The following ROR1 variants were observed in gnomAD, a reference collection of about 807,000 sequenced individuals.
The protein encoded by ROR1 is ROR family WNT receptor 1.
A neutral mutation model predicts 78.8 loss-of-function variants in ROR1; 19 were observed. The observed-to-expected ratio is 0.24, with a 90% CI of 0.17 to 0.35. ROR1 has a LOEUF of 0.35. ROR1 is among the 10% of genes least tolerant of loss of function. The pLI is 1.00. For missense variants in ROR1, 917 were observed against 1,177.8 expected (o/e 0.78, Z 3.24); for synonymous variants, 386 against 433.6 (o/e 0.89, Z 1.36).
chr1:64,078,195 A>C (rs1362232286), intron 4 of ROR1, among the ~76,000 whole-genome samples: 1 of 152,212 alleles, frequency 6.6e-6, no homozygotes, highest in Non-Finnish European at 1.5e-5. Context: ...CACAGCTATA[A>C]TAGTAGTTTG....
At chr1:64,150,616 C>T (rs1649594639) in intron 7 of ROR1, among the ~76,000 whole-genome samples, 1 of 152,162 alleles carries the variant, frequency 6.6e-6, no homozygotes, top group African/African-American at 2.4e-5. Context: ...TTGAACGTTA[C>T]AGTGAATTGG....
intron 4 of ROR1, among the ~76,000 whole-genome samples, chr1:64,073,074 A>G (rs574117831): frequency 6.6e-6 from 1 of 152,278 alleles, no homozygotes; most frequent in Non-Finnish European, 1.5e-5. Flanking sequence ...CTCCTCTCTC[A>G]CCTATGCAGA....
At chr1:64,117,978 A>T (rs923987122) in intron 4 of ROR1, among the ~76,000 whole-genome samples, 2 of 152,240 alleles carry the variant, frequency 1.3e-5, no homozygotes, top group African/African-American at 2.4e-5. Context: ...AGGCGGGGAG[A>T]TCACTTGAGC....
chr1:63,904,001 A>G (rs1462275389), intron 1 of ROR1, among the ~76,000 whole-genome samples: 1 of 152,118 alleles, frequency 6.6e-6, no homozygotes, highest in African/African-American at 2.4e-5. Flanking sequence ...AGTCTTGAGA[A>G]TGGGGGATAT....
intron 1 of ROR1, among the ~76,000 whole-genome samples, chr1:63,814,733 G>A (rs971168046): frequency 2.6e-5 from 4 of 152,248 alleles, no homozygotes. Flanking sequence ...GATCTGACAG[G>A]AGGTGGAGCT....
chr1:64,024,695 C>A (rs1191837384), intron 2 of ROR1, among the ~76,000 whole-genome samples: 1 of 152,134 alleles, frequency 6.6e-6, no homozygotes, highest in East Asian at 1.9e-4. Context: ...TCTCTTAAAT[C>A]TCTCTGCATA....
intron 2 of ROR1, among the ~76,000 whole-genome samples, chr1:64,027,903 G>A (rs1456892002): frequency 6.6e-6 from 1 of 152,030 alleles, no homozygotes. Flanking sequence ...GGCCAGGATA[G>A]TCTTGATCTC....
chr1:63,824,553 A>G (rs115012097), intron 1 of ROR1, among the ~76,000 whole-genome samples: 1,980 of 152,296 alleles, frequency 0.013, 45 homozygotes, highest in African/African-American at 0.042. Flanking sequence ...TCTCAGAAGC[A>G]TGCTTTGAGG....
chr1:64,129,294 T>C (rs1648829924), intron 4 of ROR1, among the ~76,000 whole-genome samples: 1 of 152,178 alleles, frequency 6.6e-6, no homozygotes, highest in Admixed American at 6.5e-5. Flanking sequence ...AAACCTTCTC[T>C]TTTTCAATCC....
At chr1:63,788,297 A>C (rs1644704329) in intron 1 of ROR1, among the ~76,000 whole-genome samples, 1 of 152,212 alleles carries the variant, frequency 6.6e-6, no homozygotes, top group Non-Finnish European at 1.5e-5. Flanking sequence ...TAATGAAAAC[A>C]AATTTCACCC....
intron 1 of ROR1, among the ~76,000 whole-genome samples, chr1:63,942,871 T>C (rs187836216): frequency 1.9e-4 from 29 of 152,200 alleles, no homozygotes; most frequent in Non-Finnish European, 3.5e-4. Context: ...CAGAAGATCA[T>C]ATGAGCCCAG....
intron 4 of ROR1, among the ~76,000 whole-genome samples, chr1:64,107,240 G>A (rs928853863): frequency 5.9e-5 from 9 of 152,166 alleles, no homozygotes; most frequent in Non-Finnish European, 1.5e-5. Context: ...ACAAAAGTGA[G>A]GCACTGAGAG....
chr1:63,832,169 A>G (rs895810518), intron 1 of ROR1, among the ~76,000 whole-genome samples: 5 of 152,176 alleles, frequency 3.3e-5, no homozygotes, highest in African/African-American at 1.2e-4. Context: ...ACAAGTCTCT[A>G]GGAAGTTCCA....
intron 1 of ROR1, among the ~76,000 whole-genome samples, chr1:63,860,157 TC>T (rs1357477744): frequency 6.6e-6 from 1 of 152,188 alleles, no homozygotes; most frequent in Non-Finnish European, 1.5e-5. Flanking sequence ...TAGCTATTAT[TC>T]TTATTACTAT....
chr1:63,943,375 A>G (rs955680407), intron 1 of ROR1, among the ~76,000 whole-genome samples: 3 of 152,012 alleles, frequency 2.0e-5, no homozygotes, highest in Non-Finnish European at 4.4e-5. Context: ...CCCAAACTCA[A>G]ATTACCCTTC....
At chr1:64,030,917 G>T (rs966177928) in intron 2 of ROR1, among the ~76,000 whole-genome samples, 3 of 152,018 alleles carry the variant, frequency 2.0e-5, no homozygotes, top group African/African-American at 7.3e-5. Flanking sequence ...TTTGAGACAG[G>T]ATCTCACTCT....
chr1:64,033,102 A>T (rs78843705), intron 2 of ROR1, among the ~76,000 whole-genome samples: 4,424 of 152,312 alleles, frequency 0.029, 234 homozygotes, highest in African/African-American at 0.1. Context: ...ACACTTAAAA[A>T]TAATTAAAAT....
chr1:63,983,986 G>T (rs921782994), intron 1 of ROR1, among the ~76,000 whole-genome samples: 1 of 152,104 alleles, frequency 6.6e-6, no homozygotes, highest in African/African-American at 2.4e-5. Flanking sequence ...TCTTAGCAAG[G>T]CACACATAAC....
chr1:64,140,321 A>T lies in ROR1; in HGVS notation c.823A>T (p.Met275Leu), dbSNP rs2100710213. 6.2e-7 allele frequency: 1 copy of T among 1,614,138 alleles called. No homozygotes were observed. Among genetic ancestry groups the T allele is most frequent in the Non-Finnish European group, 8.5e-7 (1 of 1,180,016 alleles). ...IFARSNPMIL[M>L]RLKLPNCEDL... Reference sequence around the variant, plus strand: ...TGCAAGATCAAATCCCATGATTCTGATGAGGCTGAAACTGCCAAACTGTGA... The same window carrying T: ...TGCAAGATCAAATCCCATGATTCTGTTGAGGCTGAAACTGCCAAACTGTGA... Residue 275 changes from methionine to leucine, a missense_variant, in exon 6 of 9, where the codon ATG becomes TTG. Physicochemically the swap from Met to Leu is conservative, Grantham distance 15 (BLOSUM62 2). Coordinates refer to ENST00000371079, the MANE Select transcript of ROR1 (RefSeq NM_005012.4).
Sources: gnomAD v4.1 joint callset for allele counts (sites outside exome capture counted in the v4.1 genomes callset) on GRCh38, gnomAD v4.1.1 for gene constraint, MANE v1.5 for transcripts, NCBI Gene and HGNC (gene_info 2026-07-23, HGNC 2026-07-21) for gene names.